SPAG16: variants seen among roughly 807,000 people sequenced by gnomAD.
SPAG16 encodes the protein sperm-associated antigen 16 protein.
SPAG16 carries 86 observed loss-of-function variants against 80.4 expected under a neutral mutation model. That is an observed-to-expected ratio of 1.07 (90% CI 0.90 to 1.28). The LOEUF is 1.28. Ranked by LOEUF, SPAG16 falls within the 50% of genes most tolerant of loss-of-function variation. The pLI is 0.00. For synonymous variants in SPAG16, 294 were observed against 265.9 expected, an observed-to-expected ratio of 1.11 and a Z score of -1.03; for missense variants, 870 against 765.3, an observed-to-expected ratio of 1.14 and a Z score of -1.61.
chr2:213,781,070 A>G (rs1249201822), intron 10 of SPAG16, among the ~76,000 whole-genome samples: 1 of 152,196 alleles, frequency 6.6e-6, no homozygotes, highest in African/African-American at 2.4e-5. Flanking sequence ...AGTGGTGGCA[A>G]CAGAGTTACA....
chr2:213,808,730 T>C (rs909204007), intron 10 of SPAG16, among the ~76,000 whole-genome samples: 1 of 152,194 alleles, frequency 6.6e-6, no homozygotes, highest in East Asian at 1.9e-4. Context: ...GTATCTTTCA[T>C]GTATATGTAG....
chr2:213,460,124 C>T (rs1575644445), intron 9 of SPAG16, among the ~76,000 whole-genome samples: 1 of 152,200 alleles, frequency 6.6e-6, no homozygotes, highest in Non-Finnish European at 1.5e-5. Context: ...GCAGACTTTC[C>T]ATTCCTGTCT....
chr2:214,090,543 C>T (rs1217681700), intron 13 of SPAG16, among the ~76,000 whole-genome samples: 1 of 151,612 alleles, frequency 6.6e-6, no homozygotes, highest in African/African-American at 2.4e-5. Context: ...AACCAATAAA[C>T]CAACCAAATA....
At chr2:213,739,825 C>T (rs919153928) in intron 10 of SPAG16, among the ~76,000 whole-genome samples, 4 of 152,216 alleles carry the variant, frequency 2.6e-5, no homozygotes, top group Non-Finnish European at 4.4e-5. Flanking sequence ...TGGTCTCAAA[C>T]TCCTGACCTC....
chr2:213,383,914 T>C (rs1384169027), intron 9 of SPAG16, among the ~76,000 whole-genome samples: 2 of 152,222 alleles, frequency 1.3e-5, no homozygotes, highest in African/African-American at 2.4e-5. Context: ...TCTGCCCAAC[T>C]GAATGCACAT....
chr2:214,319,229 G>C (rs2125991195), intron 15 of SPAG16, among the ~76,000 whole-genome samples: 1 of 19,138 alleles, frequency 5.2e-5, no homozygotes, highest in Admixed American at 4.7e-4. Context: ...CACACAAGAA[G>C]TGTAGAAAAG....
At chr2:214,304,894 T>C (rs181085673) in intron 15 of SPAG16, among the ~76,000 whole-genome samples, 5 of 152,334 alleles carry the variant, frequency 3.3e-5, no homozygotes, top group Non-Finnish European at 2.9e-5. Flanking sequence ...ATATACTCAG[T>C]AATGGGATTG....
intron 10 of SPAG16, among the ~76,000 whole-genome samples, chr2:213,634,539 T>A (rs78756357): frequency 0.01 from 1,579 of 152,324 alleles, 25 homozygotes; most frequent in African/African-American, 0.035. Context: ...ATGTGATTAT[T>A]TATTGCTTGT....
chr2:214,089,144 T>C (rs935031568), intron 13 of SPAG16, among the ~76,000 whole-genome samples: 1 of 152,054 alleles, frequency 6.6e-6, no homozygotes, highest in African/African-American at 2.4e-5. Context: ...GAGGTTGTTT[T>C]TTTGGGCACT....
intron 15 of SPAG16, among the ~76,000 whole-genome samples, chr2:214,179,979 A>G (rs115294222): frequency 9.9e-5 from 15 of 151,678 alleles, no homozygotes; most frequent in Non-Finnish European, 1.6e-4. Context: ...TATTCAGGAA[A>G]AGACTGTCAA....
At chr2:213,370,200 A>C (rs1173539093) in intron 8 of SPAG16, among the ~76,000 whole-genome samples, 2 of 152,224 alleles carry the variant, frequency 1.3e-5, no homozygotes. Flanking sequence ...TTTAACCACC[A>C]GTGAATGTTT....
At chr2:213,594,511 G>C (rs1283587066) in intron 10 of SPAG16, among the ~76,000 whole-genome samples, 2 of 152,234 alleles carry the variant, frequency 1.3e-5, no homozygotes, top group East Asian at 3.9e-4. Flanking sequence ...CGGGGAGAAT[G>C]GGGGTGTGCT....
chr2:214,330,112 GA>G (rs5838429), intron 15 of SPAG16, among the ~76,000 whole-genome samples: 62,680 of 139,830 alleles, frequency 0.45, 16,439 homozygotes, highest in South Asian at 0.63. Flanking sequence ...ACCAAAAATA[GA>G]AAAAAAAAAA....
chr2:213,901,727 A>G (rs923798436), intron 11 of SPAG16, among the ~76,000 whole-genome samples: 1 of 152,174 alleles, frequency 6.6e-6, no homozygotes, highest in Non-Finnish European at 1.5e-5. Context: ...AATCTATAGC[A>G]CAGCATCTAT....
chr2:214,032,946 G>A (rs2048493040), intron 13 of SPAG16, among the ~76,000 whole-genome samples: 3 of 152,094 alleles, frequency 2.0e-5, no homozygotes, highest in Admixed American at 2.0e-4. Flanking sequence ...GAATCAGAAA[G>A]ACACGACTTG....
At chr2:214,148,078 T>A (rs898750378) in intron 14 of SPAG16, among the ~76,000 whole-genome samples, 2 of 152,090 alleles carry the variant, frequency 1.3e-5, no homozygotes, top group Non-Finnish European at 2.9e-5. Flanking sequence ...AAACTGTACA[T>A]CAAATGGGAA....
At chr2:213,639,637 A>G (rs2062510477) in intron 10 of SPAG16, among the ~76,000 whole-genome samples, 1 of 152,262 alleles carries the variant, frequency 6.6e-6, no homozygotes, top group African/African-American at 2.4e-5. Flanking sequence ...TTTCCTTTGT[A>G]GATTATTTGA....
chr2:213,632,788 G>A (rs1251036954), intron 10 of SPAG16, among the ~76,000 whole-genome samples: 2 of 152,164 alleles, frequency 1.3e-5, no homozygotes, highest in African/African-American at 2.4e-5. Flanking sequence ...ATTGGCGTAA[G>A]TTAAACCATC....
chr2:213,840,959 T>C (rs189467881), intron 10 of SPAG16, among the ~76,000 whole-genome samples: 1 of 152,258 alleles, frequency 6.6e-6, no homozygotes, highest in East Asian at 1.9e-4. Context: ...ACATTGTAGG[T>C]CTTTAACTAT....
Sources: allele counts gnomAD v4.1 joint callset (sites outside exome capture counted in the v4.1 genomes callset), GRCh38; gene constraint gnomAD v4.1.1; transcripts MANE v1.5; gene names NCBI Gene and HGNC (gene_info 2026-07-23, HGNC 2026-07-21).